The following PDE7B variants were observed in gnomAD, a reference collection of about 807,000 sequenced individuals.
PDE7B encodes phosphodiesterase 7B, also known as 3',5'-cyclic-AMP phosphodiesterase 7B.
Under a neutral mutation model 56.2 loss-of-function variants are expected in PDE7B, and 29 were observed. The observed-to-expected ratio is 0.52, with a 90% CI of 0.38 to 0.70. The LOEUF (loss-of-function observed/expected upper bound fraction) is 0.70. Among genes scored for constraint, PDE7B ranks in the 30% least tolerant of loss-of-function variants. The pLI is 0.00. For missense variants in PDE7B, 490 were observed against 565.0 expected (o/e 0.87, Z 1.35); for synonymous variants, 197 against 196.9 (o/e 1.00, Z 0.00).
chr6:135,894,050 G>C (rs1775855618), intron 1 of PDE7B, among the ~76,000 whole-genome samples: 2 of 152,248 alleles, frequency 1.3e-5, no homozygotes, highest in African/African-American at 2.4e-5. Context: ...GGTGATAGGT[G>C]ATGCCAGTTA....
chr6:136,063,449 T>TC (rs1270044447), intron 2 of PDE7B, among the ~76,000 whole-genome samples: 1 of 152,214 alleles, frequency 6.6e-6, no homozygotes, highest in African/African-American at 2.4e-5. Flanking sequence ...GACCATTTCT[T>TC]CCACCACCTT....
chr6:135,980,182 C>A (rs535769131), intron 2 of PDE7B, among the ~76,000 whole-genome samples: 31 of 152,232 alleles, frequency 2.0e-4, no homozygotes, highest in Admixed American at 7.9e-4. Flanking sequence ...GAAAAACAAG[C>A]AATGAGGAAA....
intron 1 of PDE7B, among the ~76,000 whole-genome samples, chr6:135,862,752 T>A (rs1342902842): frequency 6.6e-6 from 1 of 151,756 alleles, no homozygotes; most frequent in African/African-American, 2.4e-5. Context: ...TCTCATGGAT[T>A]TGTTGTTGTT....
intron 1 of PDE7B, among the ~76,000 whole-genome samples, chr6:135,935,353 C>T (rs112060132): frequency 0.013 from 1,989 of 150,070 alleles, 47 homozygotes; most frequent in African/African-American, 0.045. Context: ...ACTGCATGGC[C>T]TCAGATGCTA....
intron 3 of PDE7B, among the ~76,000 whole-genome samples, chr6:136,120,073 C>T (rs963305296): frequency 3.3e-5 from 5 of 152,034 alleles, no homozygotes. Context: ...AGTGAGTAAG[C>T]GTGCTTAGAG....
rs573781588 is a variant in PDE7B, at chr6:135,855,069, C to T, written c.21+3050C>T. Among the ~76,000 whole-genome samples the T allele has an allele frequency of 2.6e-5, 4 of 152,324 alleles. No individual in the cohort carries two copies. In the South Asian group the frequency reaches 6.2e-4, roughly 24 times the overall value. ...TGAACCAAGGTGGTTCATTCAGGCT[C>T]TAATGAGCTGGGTGACTCTGAGCCA... On this transcript the variant is annotated intron_variant, in intron 1 of 12. Transcript: ENST00000308191.
intron 2 of PDE7B, among the ~76,000 whole-genome samples, chr6:136,075,767 G>A (rs1324789653): frequency 6.6e-6 from 1 of 152,126 alleles, no homozygotes; most frequent in Non-Finnish European, 1.5e-5. Flanking sequence ...AGAACGACCT[G>A]GGTTACATAA....
chr6:136,106,177 T>C (rs1777642449), intron 2 of PDE7B, among the ~76,000 whole-genome samples: 2 of 152,256 alleles, frequency 1.3e-5, no homozygotes, highest in South Asian at 4.1e-4. Flanking sequence ...GCTTTGTAGA[T>C]AAAATCTATA....
intron 2 of PDE7B, among the ~76,000 whole-genome samples, chr6:135,988,700 G>C (rs1211199801): frequency 6.6e-6 from 1 of 152,144 alleles, no homozygotes; most frequent in Non-Finnish European, 1.5e-5. Flanking sequence ...GTGGGTAAAA[G>C]GAATTATAAA....
chr6:136,009,118 C>A (rs551021961), intron 2 of PDE7B, among the ~76,000 whole-genome samples: 84 of 152,116 alleles, frequency 5.5e-4, no homozygotes, highest in African/African-American at 2.0e-3. Context: ...TTGTTTTTTT[C>A]AGGTTTGTCA....
At chr6:135,916,479 G>C (rs999546064) in intron 1 of PDE7B, among the ~76,000 whole-genome samples, 1 of 127,558 alleles carries the variant, frequency 7.8e-6, no homozygotes, top group Non-Finnish European at 1.6e-5. Flanking sequence ...TGCACCCTCC[G>C]CCTCCTGGGT....
intron 6 of PDE7B, 67 bp downstream of exon 6, chr6:136,151,322 A>G (rs1778510206): frequency 2.5e-6 from 2 of 806,592 alleles, no homozygotes; most frequent in Admixed American, 3.5e-5. Flanking sequence ...ATACTCTTTA[A>G]TATAAAGTGG....
intron 2 of PDE7B, among the ~76,000 whole-genome samples, chr6:135,964,665 A>G (rs183630447): frequency 2.0e-4 from 31 of 152,264 alleles, no homozygotes; most frequent in African/African-American, 7.2e-4. Context: ...TGATCTGATA[A>G]TGATGGATTT....
chr6:136,065,326 A>T (rs891309815), intron 2 of PDE7B, among the ~76,000 whole-genome samples: 2 of 152,232 alleles, frequency 1.3e-5, no homozygotes, highest in African/African-American at 4.8e-5. Flanking sequence ...AGAATAATAT[A>T]AAAAAACTGA....
chr6:136,154,214 A>G (rs1778570227), intron 7 of PDE7B, 39 bp downstream of exon 7: 3 of 1,337,210 alleles, frequency 2.2e-6, no homozygotes, highest in Non-Finnish European at 3.2e-6. Context: ...CCACCTGGAA[A>G]TGCCAAGGAA....
rs553147954 is a variant in PDE7B, at chr6:135,855,099, C to T, written c.21+3080C>T. ...GAGCTGGGTGACTCTGAGCCACTCA[C>T]TCATTCTTGACCTCAGTTTCCTCAA... On this transcript the variant is annotated intron_variant, in intron 1 of 12. Transcript: ENST00000308191. Among the ~76,000 whole-genome samples the T allele has an allele frequency of 2.6e-5, 4 of 152,334 alleles. No individual in the cohort carries two copies. In the East Asian group the frequency reaches 7.7e-4, roughly 29 times the overall value.
At chr6:136,134,126 G>C in intron 3 of PDE7B, among the ~76,000 whole-genome samples, 1 of 152,082 alleles carries the variant, frequency 6.6e-6, no homozygotes, top group East Asian at 1.9e-4. Context: ...TTGGTGGTAG[G>C]TGAGATAGAT....
intron 2 of PDE7B, among the ~76,000 whole-genome samples, chr6:136,068,423 CTTTTTTTTTTTT>C (rs33992191): frequency 1.3e-5 from 1 of 79,514 alleles, no homozygotes; most frequent in African/African-American, 5.5e-5. Flanking sequence ...ACCAAGATTC[CTTTTTTTTTTTT>C]TTTTTTTTTT....
intron 2 of PDE7B, chr6:136,034,459 T>C (rs982005551): frequency 2.0e-5 from 3 of 152,244 alleles, no homozygotes; most frequent in East Asian, 1.9e-4. Context: ...TGGCTAGTTT[T>C]TATTAAAAAG....
Sources: allele counts gnomAD v4.1 joint callset (sites outside exome capture counted in the v4.1 genomes callset), GRCh38; gene constraint gnomAD v4.1.1; transcripts MANE v1.5; gene names NCBI Gene and HGNC (gene_info 2026-07-23, HGNC 2026-07-21).